The following PDIA4 variants were observed in gnomAD, a reference collection of about 807,000 sequenced individuals.
PDIA4 encodes protein disulfide isomerase family A member 4.
Under a neutral mutation model 62.1 loss-of-function variants are expected in PDIA4, and 33 were observed. The ratio of observed to expected loss-of-function variants is 0.53; its 90% CI spans 0.40 to 0.71. The LOEUF is 0.71. Ranked by LOEUF, PDIA4 falls within the 30% of genes least tolerant of loss-of-function variation. PDIA4 has a pLI of 0.00. For synonymous variants in PDIA4, 341 were observed against 324.1 expected, an observed-to-expected ratio of 1.05 and a Z score of -0.56; for missense variants, 804 against 813.6, an observed-to-expected ratio of 0.99 and a Z score of 0.14.
intron 2 of PDIA4, among the ~76,000 whole-genome samples, 191 bp downstream of exon 2, chr7:149,020,776 G>A (rs1396408471): frequency 2.6e-5 from 4 of 152,158 alleles, no homozygotes; most frequent in Non-Finnish European, 4.4e-5. Flanking sequence ...CCTTCCATGA[G>A]GGCTGGCTCA....
chr7:149,022,399 ATT>A (rs1260383999), intron 1 of PDIA4, among the ~76,000 whole-genome samples: 1 of 151,942 alleles, frequency 6.6e-6, no homozygotes, highest in African/African-American at 2.4e-5. Context: ...AACTTATTTT[ATT>A]TTATTTTTTT....
At position 149,019,647 on chromosome 7, in the gene PDIA4, C is replaced by T. The variant is rs143053334; in HGVS notation, c.270-450G>A. 4.2e-3 allele frequency among the ~76,000 whole-genome samples: 641 copies of T among 152,246 alleles called. 5 individuals are homozygous for T. The highest frequency in any genetic ancestry group is 0.014 in the African/African-American group (602 of 41,526). Reference sequence around the variant, plus strand: ...CCAACATAGTGAAACGCTGTCTGTACTGAAAATGCAAAAATTAGCTGGGCT... The same window carrying T: ...CCAACATAGTGAAACGCTGTCTGTATTGAAAATGCAAAAATTAGCTGGGCT... On this transcript the variant is annotated intron_variant, in intron 2 of 9. Coordinates refer to ENST00000652332, the MANE Select transcript of PDIA4 (RefSeq NM_004911.5).
chr7:149,005,079 C>G (rs553841037), intron 9 of PDIA4, 62 bp downstream of exon 9: 1 of 1,368,748 alleles, frequency 7.3e-7, no homozygotes, highest in African/African-American at 1.4e-5. Flanking sequence ...CCTGGCCTGT[C>G]TGGATTCCGC....
At chr7:149,020,721 G>A (rs191685739) in intron 2 of PDIA4, among the ~76,000 whole-genome samples, 36 of 152,320 alleles carry the variant, frequency 2.4e-4, no homozygotes, top group African/African-American at 7.0e-4. Context: ...ACCATCAGAG[G>A]ACGTATTCAT....
intron 1 of PDIA4, among the ~76,000 whole-genome samples, chr7:149,024,224 G>C (rs1361713897): frequency 6.6e-6 from 1 of 152,046 alleles, no homozygotes; most frequent in Non-Finnish European, 1.5e-5. Context: ...CCCAGCCTGC[G>C]TGACAAAGCG....
intron 7 of PDIA4, among the ~76,000 whole-genome samples, chr7:149,007,759 CAGCTGG>C (rs1428425454): frequency 6.6e-6 from 1 of 152,276 alleles, no homozygotes; most frequent in African/African-American, 2.4e-5. Flanking sequence ...CTGTAGCCCC[CAGCTGG>C]AGCTGCCCGA....
At chr7:149,008,425 G>T in intron 6 of PDIA4, 115 bp from the exon 7 acceptor site, 1 of 1,077,454 alleles carries the variant, frequency 9.3e-7, no homozygotes, top group African/African-American at 1.6e-5. Context: ...TGTAGGCTGG[G>T]CGCGGTGGCT....
At position 149,003,998 on chromosome 7, in the gene PDIA4, C is replaced by G. The variant is rs748653496; in HGVS notation, c.1734G>C (p.Leu578=). The G allele has an allele frequency of 1.9e-6, 3 of 1,613,960 alleles. No individual in the cohort carries two copies. The highest frequency in any genetic ancestry group is 2.5e-6 in the Non-Finnish European group (3 of 1,179,856). ...LAKKYKGQKG[L]VIAKMDATAN... Reference sequence around the variant, plus strand: ...CAGTGGCGTCCATCTTGGCGATGACCAGGCCCTTTTGGCCCTTGTACTTCT... The same window carrying G: ...CAGTGGCGTCCATCTTGGCGATGACGAGGCCCTTTTGGCCCTTGTACTTCT... Residue 578 remains leucine, a synonymous_variant, in exon 10 of 10, where the codon CTG becomes CTC. Transcript: ENST00000652332.
At chr7:149,023,068 C>A (rs1331502455) in intron 1 of PDIA4, among the ~76,000 whole-genome samples, 1 of 152,150 alleles carries the variant, frequency 6.6e-6, no homozygotes, top group East Asian at 1.9e-4. Context: ...CTGCCTGCCA[C>A]CCCTCCCTCC....
chr7:149,020,853 T>G, intron 2 of PDIA4, 114 bp downstream of exon 2: 1 of 1,457,868 alleles, frequency 6.9e-7, no homozygotes, highest in Non-Finnish European at 9.1e-7. Context: ...GAGTGCAAGT[T>G]CCTGCACCCA....
chr7:149,005,355 G>C lies in PDIA4; in HGVS notation c.1308C>G (p.Ser436Arg). Residue 436 changes from serine to arginine, a missense_variant, in exon 9 of 10, where the codon AGC becomes AGG. Transcript: ENST00000652332. Reference sequence around the variant, plus strand: ...AGTCCTTGGCCACCTCTAGGACTTTGCTCCGCCAAAACTGAGTTGCTGAAA... The same window carrying C: ...AGTCCTTGGCCACCTCTAGGACTTTCCTCCGCCAAAACTGAGTTGCTGAAA... ...DYRAATQFWRSKVLEVAKDFP... is the reference protein window; with the variant it reads ...DYRAATQFWRRKVLEVAKDFP... The C allele has an allele frequency of 4.3e-6, 7 of 1,613,902 alleles. No individual in the cohort carries two copies. Among genetic ancestry groups the C allele is most frequent in the Non-Finnish European group, 5.9e-6 (7 of 1,179,818 alleles).
chr7:149,003,504 T>C lies in PDIA4; in HGVS notation c.*290A>G, dbSNP rs1221512433. Reference sequence around the variant, plus strand: ...AAGAAAACATTTTCACACAGAAGAATTATCTGCTTTGAGAAATAAAGAAAT... The same window carrying C: ...AAGAAAACATTTTCACACAGAAGAACTATCTGCTTTGAGAAATAAAGAAAT... On this transcript the variant is annotated 3_prime_UTR_variant, in exon 10 of 10. Transcript: ENST00000652332. 6.7e-6 allele frequency: 2 copies of C among 299,524 alleles called. No homozygotes were observed. The highest frequency in any genetic ancestry group is 4.3e-5 in the African/African-American group (2 of 46,510). The allele number at this position is 299,524 out of a possible 1,614,324, so 18.6% of individuals were successfully genotyped here.
intron 3 of PDIA4, 79 bp from the exon 4 acceptor site, chr7:149,015,121 A>AG: frequency 6.8e-7 from 1 of 1,460,428 alleles, no homozygotes; most frequent in Non-Finnish European, 9.4e-7. Flanking sequence ...GCAGATGAGG[A>AG]GGGGGAAGAA....
chr7:149,027,730 G>A (rs1824605977), intron 1 of PDIA4: 4 of 403,376 alleles, frequency 9.9e-6, no homozygotes, highest in South Asian at 5.5e-5. Flanking sequence ...CCAGTACAGG[G>A]ACTGGCACAC....
chr7:149,014,576 GCAGCCACCT>G (rs1336893001), intron 4 of PDIA4, among the ~76,000 whole-genome samples: 1 of 151,902 alleles, frequency 6.6e-6, no homozygotes, highest in Non-Finnish European at 1.5e-5. Context: ...TCCCCATGAA[GCAGCCACCT>G]CAGTTCCCCA....
chr7:149,028,260 C>A (rs1461320726), intron 1 of PDIA4, 61 bp downstream of exon 1: 9 of 1,293,110 alleles, frequency 7.0e-6, no homozygotes, highest in African/African-American at 3.0e-5. Context: ...GGGCCCAGGC[C>A]CCCGCACAGC....
In PDIA4 at chr7:149,008,184, G is replaced by C; in HGVS notation, c.1106C>G (p.Pro369Arg). ...CTGGACGTCCATCATGTGGCTCCGG[G>C]GCTCATACTTGGACTGGAATTTCTC... ...QPEKFQSKYE[P>R]RSHMMDVQGS... The change falls in exon 7 of 10, where the codon CCC becomes CGC. Residue 369 changes from proline (P) to arginine (R), a missense_variant. Pro to Arg is a moderately radical substitution (Grantham distance 103, BLOSUM62 -2). Transcript: ENST00000652332. 1 of 1,614,018 alleles carries C rather than the reference G, an allele frequency of 6.2e-7. No individual in the cohort carries two copies. Among genetic ancestry groups the C allele is most frequent in the South Asian group, 1.1e-5 (1 of 91,040 alleles).
chr7:149,004,600 G>A (rs1473621508), intron 9 of PDIA4, among the ~76,000 whole-genome samples: 1 of 152,220 alleles, frequency 6.6e-6, no homozygotes, highest in Non-Finnish European at 1.5e-5. Flanking sequence ...TGGGGGCCTG[G>A]GGCCATGTGC....
At chr7:149,007,973 C>T (rs1168562284) in intron 7 of PDIA4, among the ~76,000 whole-genome samples, 186 bp downstream of exon 7, 2 of 152,250 alleles carry the variant, frequency 1.3e-5, no homozygotes, top group African/African-American at 2.4e-5. Context: ...CCTGTCCCTC[C>T]GGCAAAGAGA....
Sources: gnomAD v4.1 joint callset for allele counts (sites outside exome capture counted in the v4.1 genomes callset) on GRCh38, gnomAD v4.1.1 for gene constraint, MANE v1.5 for transcripts, NCBI Gene and HGNC (gene_info 2026-07-23, HGNC 2026-07-21) for gene names.